OR6N1: variants seen among roughly 807,000 people sequenced by gnomAD.
OR6N1 encodes olfactory receptor 6N1.
For missense variants in OR6N1, 394 were observed against 371.7 expected, an observed-to-expected ratio of 1.06 and a Z score of -0.49; for synonymous variants, 170 against 150.7, an observed-to-expected ratio of 1.13 and a Z score of -0.94.
the OR6N1 span, among the ~76,000 whole-genome samples, chr1:158,822,356 T>C: frequency 6.6e-6 from 1 of 152,184 alleles, no homozygotes; most frequent in Non-Finnish European, 1.5e-5. Flanking sequence ...TTTCCATGTG[T>C]TTGTGTCATC....
Position 158,765,522 on chromosome 1 carries a change from T to C in OR6N1, c.*222A>G. ...TGAAAATCACTGCACTACATCATGTTGAAGGGATGTGTACTTTCCCTAGTC... is the reference window on the plus strand; with the variant it reads ...TGAAAATCACTGCACTACATCATGTCGAAGGGATGTGTACTTTCCCTAGTC... On this transcript the variant is annotated 3_prime_UTR_variant, in exon 2 of 2. Coordinates refer to ENST00000641846, the MANE Select transcript of OR6N1 (RefSeq NM_001005185.2). The C allele has an allele frequency of 2.0e-6, 1 of 489,682 alleles. No homozygotes were observed. The allele number at this position is 489,682 out of a possible 1,614,324, so 30.3% of individuals were successfully genotyped here.
chr1:158,838,226 T>C, the OR6N1 span, among the ~76,000 whole-genome samples: 1 of 152,044 alleles, frequency 6.6e-6, no homozygotes, highest in Admixed American at 6.6e-5. Flanking sequence ...CATCCTTGTG[T>C]TTCAGCTTGA....
chr1:158,837,903 G>C, the OR6N1 span, among the ~76,000 whole-genome samples: 1 of 150,942 alleles, frequency 6.6e-6, no homozygotes, highest in East Asian at 1.9e-4. Context: ...GTCATCATCA[G>C]GTTGCATATG....
chr1:158,770,037 AG>A (rs1657386400), intron 1 of OR6N1, among the ~76,000 whole-genome samples: 1 of 152,146 alleles, frequency 6.6e-6, no homozygotes, highest in South Asian at 2.1e-4. Context: ...TATAAATAAA[AG>A]GTTCTATTCT....
chr1:158,803,865 G>A, the OR6N1 span, among the ~76,000 whole-genome samples: 2 of 152,188 alleles, frequency 1.3e-5, no homozygotes, highest in Non-Finnish European at 1.5e-5. Context: ...CCACTTGTCA[G>A]TAAAGAGTGC....
chr1:158,782,943 A>T, the OR6N1 span, among the ~76,000 whole-genome samples: 1 of 152,320 alleles, frequency 6.6e-6, no homozygotes, highest in African/African-American at 2.4e-5. Flanking sequence ...AGTCTTGTAC[A>T]TAGTAAGTGA....
Position 158,764,921 on chromosome 1 carries a change from C to T in OR6N1, c.*823G>A, listed in dbSNP as rs1015752688. The T allele has an allele frequency of 1.3e-5, 2 of 151,864 alleles. No homozygotes were observed. Among genetic ancestry groups the T allele is most frequent in the Non-Finnish European group, 1.5e-5 (1 of 67,956 alleles). 9.4% of individuals were successfully genotyped at this position (151,864 alleles called of 1,614,324 possible). On this transcript the variant is annotated 3_prime_UTR_variant, in exon 2 of 2. Coordinates refer to ENST00000641846, the MANE Select transcript of OR6N1 (RefSeq NM_001005185.2). ...AACTATACTTTTCAAGTATAGTATACTTGTATACTATACAAGTATTCCTTC... is the reference window on the plus strand; with the variant it reads ...AACTATACTTTTCAAGTATAGTATATTTGTATACTATACAAGTATTCCTTC...
chr1:158,797,868 G>A, the OR6N1 span, among the ~76,000 whole-genome samples: 20 of 152,126 alleles, frequency 1.3e-4, no homozygotes, highest in East Asian at 7.7e-4. Context: ...TATGTTTTTC[G>A]TCAATATTAG....
At chr1:158,820,833 T>C in the OR6N1 span, among the ~76,000 whole-genome samples, 1 of 152,194 alleles carries the variant, frequency 6.6e-6, no homozygotes. Flanking sequence ...CGGTGCTGTT[T>C]TGGCCATGGC....
the OR6N1 span, among the ~76,000 whole-genome samples, chr1:158,800,662 A>G: frequency 1.3e-5 from 2 of 152,230 alleles, no homozygotes; most frequent in African/African-American, 4.8e-5. Context: ...TTCTCTACAC[A>G]TATCTTTTCT....
At chr1:158,778,127 G>A in the OR6N1 span, among the ~76,000 whole-genome samples, 6 of 152,156 alleles carry the variant, frequency 3.9e-5, no homozygotes, top group Non-Finnish European at 8.8e-5. Flanking sequence ...GATTAATGTA[G>A]TAGCAAATAT....
upstream of OR6N1, among the ~76,000 whole-genome samples, chr1:158,773,153 T>C (rs747365053): frequency 2.3e-5 from 3 of 130,554 alleles, no homozygotes; most frequent in Non-Finnish European, 4.8e-5. Flanking sequence ...TATTTTTCTA[T>C]CTCCTAATTT....
In OR6N1 at chr1:158,766,573, A is replaced by G. The variant is rs927868673; in HGVS notation, c.110T>C (p.Met37Thr). The stretch of plus-strand genomic sequence containing the variant: ...TATCAGCAGGTTTCCCAACACAGTC[A>G]TGAGGTAAATGAGAAGCAACAAGAG... ...LFLLLLLIYL[M>T]TVLGNLLIFL... Residue 37 changes from methionine (M) to threonine (T), a missense_variant, in exon 2 of 2, where the codon ATG (methionine) becomes ACG (threonine). Met to Thr is a moderately conservative substitution (Grantham distance 81). Transcript: ENST00000641846. 1.9e-6 allele frequency: 3 copies of G among 1,613,974 alleles called. No homozygotes were observed. Among genetic ancestry groups the G allele is most frequent in the African/African-American group, 1.3e-5 (1 of 74,906 alleles).
chr1:158,815,487 A>G, the OR6N1 span, among the ~76,000 whole-genome samples: 13 of 152,152 alleles, frequency 8.5e-5, no homozygotes, highest in Non-Finnish European at 5.9e-5. Context: ...AAAGCTATAT[A>G]TTAGGTCCTA....
At chr1:158,791,239 C>T in the OR6N1 span, among the ~76,000 whole-genome samples, 1 of 152,062 alleles carries the variant, frequency 6.6e-6, no homozygotes, top group Non-Finnish European at 1.5e-5. Context: ...ACCTTTAATG[C>T]TATAAACATC....
chr1:158,836,291 G>A, the OR6N1 span, among the ~76,000 whole-genome samples: 1 of 151,940 alleles, frequency 6.6e-6, no homozygotes, highest in African/African-American at 2.4e-5. Flanking sequence ...AAGACTTTGA[G>A]GAATTTTGGT....
chr1:158,792,998 G>A, the OR6N1 span, among the ~76,000 whole-genome samples: 1 of 151,784 alleles, frequency 6.6e-6, no homozygotes, highest in South Asian at 2.1e-4. Context: ...TGTCTGATTG[G>A]GTTACTTTGA....
the OR6N1 span, among the ~76,000 whole-genome samples, chr1:158,827,062 C>A: frequency 6.6e-6 from 1 of 152,018 alleles, no homozygotes; most frequent in East Asian, 1.9e-4. Context: ...CAGCCTCAGG[C>A]AACATAAATT....
the OR6N1 span, among the ~76,000 whole-genome samples, chr1:158,784,122 AAAG>A: frequency 0.015 from 2,358 of 152,160 alleles, 67 homozygotes; most frequent in African/African-American, 0.054. Flanking sequence ...AAAAAAAAGA[AAAG>A]GCTAGTCTGA....
Sources: gnomAD v4.1 joint callset for allele counts (sites outside exome capture counted in the v4.1 genomes callset) on GRCh38, gnomAD v4.1.1 for gene constraint, MANE v1.5 for transcripts, NCBI Gene and HGNC (gene_info 2026-07-23, HGNC 2026-07-21) for gene names.